WDR7: variants seen among roughly 807,000 people sequenced by gnomAD.
WDR7 encodes WD repeat domain 7.
WDR7 carries 46 observed loss-of-function variants against 169.4 expected under a neutral mutation model. The observed-to-expected ratio is 0.27, with a 90% CI of 0.21 to 0.35. WDR7 has a LOEUF of 0.35. Ranked by LOEUF, WDR7 falls within the 10% of genes least tolerant of loss-of-function variation. The pLI, the probability that WDR7 is intolerant of heterozygous loss-of-function variation, is 1.00. For synonymous variants in WDR7, 612 were observed against 666.8 expected (o/e 0.92, Z 1.27); for missense variants, 1,534 against 1,859.3 (o/e 0.83, Z 3.22).
At chr18:56,954,501 G>T (rs1385560482) in intron 25 of WDR7, among the ~76,000 whole-genome samples, 2 of 151,946 alleles carry the variant, frequency 1.3e-5, no homozygotes, top group Non-Finnish European at 2.9e-5. Context: ...TTTTAAAAAA[G>T]AAAACTATAT....
At chr18:56,830,788 C>T (rs1370541910) in intron 20 of WDR7, among the ~76,000 whole-genome samples, 1 of 152,200 alleles carries the variant, frequency 6.6e-6, no homozygotes, top group African/African-American at 2.4e-5. Flanking sequence ...CTCACTGCAA[C>T]CTCTGTCTCC....
chr18:56,921,271 A>G (rs948361600), intron 21 of WDR7, among the ~76,000 whole-genome samples: 13 of 152,204 alleles, frequency 8.5e-5, no homozygotes, highest in African/African-American at 2.4e-5. Flanking sequence ...TGTAATTCCA[A>G]AACAGCTCCC....
rs773221888 is a variant in WDR7 at position 56,718,051 on chromosome 18, G to A, written c.1666G>A (p.Ala556Thr). ...SLREKKCIML[A>T]SRHLFPIQVI... ...GCGAGAGAAAAAATGCATAATGTTGGCATCTCGTCACCTTTTTCCTATTCA... is the reference window on the plus strand; with the variant it reads ...GCGAGAGAAAAAATGCATAATGTTGACATCTCGTCACCTTTTTCCTATTCA... Residue 556 changes from alanine to threonine, a missense_variant, in exon 13 of 28, where the codon GCA becomes ACA. Transcript: ENST00000254442. 6.2e-7 allele frequency: 1 copy of A among 1,614,078 alleles called. No individual in the cohort carries two copies. The highest frequency in any genetic ancestry group is 1.7e-5 in the Admixed American group (1 of 60,012).
the WDR7 span, chr18:57,036,240 G>A: frequency 1.3e-5 from 2 of 152,370 alleles, no homozygotes; most frequent in African/African-American, 4.8e-5. Context: ...AAAGGGTGAA[G>A]GCAGGGGACA....
intron 13 of WDR7, among the ~76,000 whole-genome samples, chr18:56,729,482 T>C (rs1054665316): frequency 6.6e-6 from 1 of 152,126 alleles, no homozygotes; most frequent in African/African-American, 2.4e-5. Context: ...CTTTATACTA[T>C]GAATACTCTT....
intron 16 of WDR7, among the ~76,000 whole-genome samples, chr18:56,767,098 C>G (rs2044079942): frequency 6.6e-6 from 1 of 152,128 alleles, no homozygotes; most frequent in Non-Finnish European, 1.5e-5. Flanking sequence ...GGATTTGGAG[C>G]AGTGCTCTAA....
chr18:56,666,713 A>G (rs2025032239), intron 1 of WDR7, among the ~76,000 whole-genome samples: 1 of 152,164 alleles, frequency 6.6e-6, no homozygotes, highest in African/African-American at 2.4e-5. Flanking sequence ...TGAAGACAAT[A>G]TAGGAGAGTG....
chr18:56,751,561 A>G (rs4801054), intron 14 of WDR7, among the ~76,000 whole-genome samples: 67,337 of 151,904 alleles, frequency 0.44, 15,026 homozygotes, highest in African/African-American at 0.49. Context: ...ACCCAGTGTC[A>G]GGTCTGTCTA....
At chr18:57,015,549 C>T (rs1002176992) in intron 26 of WDR7, among the ~76,000 whole-genome samples, 7 of 152,100 alleles carry the variant, frequency 4.6e-5, no homozygotes, top group African/African-American at 1.2e-4. Flanking sequence ...TCAGTCAGAG[C>T]GATGTCTTTG....
intron 20 of WDR7, among the ~76,000 whole-genome samples, chr18:56,848,083 T>C (rs1371683317): frequency 6.6e-6 from 1 of 152,320 alleles, no homozygotes; most frequent in East Asian, 1.9e-4. Context: ...CCACAGGCAG[T>C]CAGCTCCAAC....
At chr18:56,989,607 C>T (rs1490236041) in intron 26 of WDR7, among the ~76,000 whole-genome samples, 2 of 152,018 alleles carry the variant, frequency 1.3e-5, no homozygotes, top group African/African-American at 2.4e-5. Context: ...ACTTCCCTGG[C>T]GAAGTGAAAG....
At chr18:56,771,044 C>T (rs1263992804) in intron 16 of WDR7, among the ~76,000 whole-genome samples, 1 of 152,140 alleles carries the variant, frequency 6.6e-6, no homozygotes, top group Non-Finnish European at 1.5e-5. Context: ...TTATTCCCTA[C>T]AACAACTGAC....
At chr18:56,726,595 C>A (rs1261700273) in intron 13 of WDR7, among the ~76,000 whole-genome samples, 1 of 152,182 alleles carries the variant, frequency 6.6e-6, no homozygotes, top group Non-Finnish European at 1.5e-5. Flanking sequence ...ATGTCATCTG[C>A]AAACAGGGAC....
intron 20 of WDR7, among the ~76,000 whole-genome samples, chr18:56,828,619 C>G (rs998307603): frequency 3.3e-5 from 5 of 152,162 alleles, no homozygotes; most frequent in Admixed American, 6.5e-5. Flanking sequence ...AGGATCTTCA[C>G]CATACTATCA....
At chr18:56,974,490 G>A (rs1304455118) in intron 26 of WDR7, among the ~76,000 whole-genome samples, 1 of 150,732 alleles carries the variant, frequency 6.6e-6, no homozygotes, top group Admixed American at 6.7e-5. Context: ...ATCCTCCCAA[G>A]TAGCTGGTAC....
At chr18:56,919,482 T>C (rs2046678638) in intron 21 of WDR7, among the ~76,000 whole-genome samples, 1 of 142,502 alleles carries the variant, frequency 7.0e-6, no homozygotes, top group South Asian at 2.4e-4. Context: ...GATAAAACAT[T>C]ACTTCATCTT....
At chr18:56,917,349 T>C (rs1238720331) in intron 21 of WDR7, among the ~76,000 whole-genome samples, 5 of 152,182 alleles carry the variant, frequency 3.3e-5, no homozygotes, top group Non-Finnish European at 4.4e-5. Flanking sequence ...AAACAAATTA[T>C]GCTGAAAATG....
intron 19 of WDR7, among the ~76,000 whole-genome samples, chr18:56,787,959 T>C (rs968233990): frequency 3.3e-5 from 5 of 152,194 alleles, no homozygotes; most frequent in Non-Finnish European, 7.4e-5. Flanking sequence ...TTGATAAACA[T>C]GGTATGAGTC....
Position 57,010,080 on chromosome 18 carries a change from A to T in WDR7, c.4165-10665A>T, listed in dbSNP as rs17090470. On this transcript the variant is annotated intron_variant, in intron 26 of 27. Transcript: ENST00000254442. ...CCTGAAATGTCTAGAAAGGGTGGAG[A>T]TAATCAAGACCATTCATGCTGCTGA... is the stretch of plus-strand genomic sequence containing the variant. 1,895 of 985,498 alleles carry T rather than the reference A, an allele frequency of 1.9e-3. 29 individuals carry two copies. In the African/African-American group the frequency reaches 0.029, roughly 15 times the overall value. The allele number at this position is 985,498 out of a possible 1,614,324, so 61.0% of individuals were successfully genotyped here. A position where few individuals can be genotyped will look rare whatever the true frequency, so the allele number is the denominator to read the frequency against.
Sources: gnomAD v4.1 joint callset for allele counts (sites outside exome capture counted in the v4.1 genomes callset) on GRCh38, gnomAD v4.1.1 for gene constraint, MANE v1.5 for transcripts, NCBI Gene and HGNC (gene_info 2026-07-23, HGNC 2026-07-21) for gene names.